SAE1: variants seen among roughly 807,000 people sequenced by gnomAD.
The protein encoded by SAE1 is SUMO1 activating enzyme subunit 1.
A neutral mutation model predicts 40.6 loss-of-function variants in SAE1; 11 were observed. The observed-to-expected ratio is 0.27, with a 90% CI of 0.17 to 0.45. The LOEUF is 0.45. SAE1 is among the 20% of genes least tolerant of loss of function. The pLI is 1.00. For synonymous variants in SAE1, 155 were observed against 154.3 expected (o/e 1.00, Z -0.03); for missense variants, 373 against 427.3 (o/e 0.87, Z 1.12).
chr19:47,172,765 G>A lies in SAE1; in HGVS notation c.733+2842G>A, dbSNP rs553233457. Among the ~76,000 whole-genome samples, 6 of 148,184 alleles carry A rather than the reference G, an allele frequency of 4.0e-5. No individual in the cohort carries two copies. In the South Asian group the frequency reaches 6.4e-4, roughly 16 times the overall value. On this transcript the variant is annotated intron_variant, in intron 6 of 8. Transcript: ENST00000270225. The stretch of plus-strand genomic sequence containing the variant: ...TACTCCAGAGTTGAAAAGTGTACAC[G>A]CCAAAAAAAAAAAAGAGAAAAGAAA...
At chr19:47,179,651 C>T (rs2058494231) in intron 6 of SAE1, among the ~76,000 whole-genome samples, 1 of 152,114 alleles carries the variant, frequency 6.6e-6, no homozygotes, top group Non-Finnish European at 1.5e-5. Context: ...CTCAAGCAAT[C>T]CTCACATCAC....
At chr19:47,195,736 C>CTTT (rs56268362) in intron 6 of SAE1, among the ~76,000 whole-genome samples, 35 of 93,126 alleles carry the variant, frequency 3.8e-4, no homozygotes, top group African/African-American at 1.2e-3. Flanking sequence ...TTTTTTTCTT[C>CTTT]TTTTTTTTTT....
intron 1 of SAE1, among the ~76,000 whole-genome samples, chr19:47,137,291 G>A (rs944186060): frequency 5.3e-5 from 8 of 152,070 alleles, no homozygotes; most frequent in African/African-American, 1.9e-4. Flanking sequence ...GGGAGGCTGA[G>A]GCAGGAGAAT....
chr19:47,151,725 C>T (rs2058289793), intron 3 of SAE1, among the ~76,000 whole-genome samples: 1 of 152,190 alleles, frequency 6.6e-6, no homozygotes, highest in African/African-American at 2.4e-5. Context: ...TATTGGGACA[C>T]TTTCCATTTG....
At chr19:47,172,790 A>T (rs1354208939) in intron 6 of SAE1, among the ~76,000 whole-genome samples, 1 of 152,044 alleles carries the variant, frequency 6.6e-6, no homozygotes, top group East Asian at 1.9e-4. Context: ...GAGAAAAGAA[A>T]AAAAGCACAT....
intron 5 of SAE1, among the ~76,000 whole-genome samples, chr19:47,160,284 C>T (rs894308083): frequency 7.7e-5 from 10 of 130,318 alleles, no homozygotes; most frequent in South Asian, 2.4e-4. Flanking sequence ...TGCAATGGTG[C>T]GATCTCGGCT....
chr19:47,177,551 G>A (rs541964963), intron 6 of SAE1, among the ~76,000 whole-genome samples: 31 of 152,254 alleles, frequency 2.0e-4, no homozygotes, highest in African/African-American at 7.5e-4. Context: ...TGTACAGATT[G>A]GGGCAGGGAG....
chr19:47,150,189 G>T lies in SAE1; in HGVS notation c.211-13G>T. The T allele has an allele frequency of 1.3e-6, 2 of 1,539,650 alleles. No individual in the cohort carries two copies. Among genetic ancestry groups the T allele is most frequent in the African/African-American group, 1.4e-5 (1 of 71,604 alleles). On this transcript the variant is annotated splice_polypyrimidine_tract_variant and intron_variant, in intron 2 of 8. Transcript: ENST00000270225. ...AAATACAAGACTTAAAAAAATATGT[G>T]TATTATTCCTAGGTAACTCCAGAAG...
At chr19:47,181,185 G>C (rs1161941639) in intron 6 of SAE1, among the ~76,000 whole-genome samples, 1 of 151,970 alleles carries the variant, frequency 6.6e-6, no homozygotes, top group African/African-American at 2.4e-5. Flanking sequence ...GCGTGGTGGT[G>C]CATGCCTGTA....
rs185788740 is a variant in SAE1, at chr19:47,204,340, G to A, written c.948+600G>A. On this transcript the variant is annotated intron_variant, in intron 8 of 8. Coordinates refer to ENST00000270225, the MANE Select transcript of SAE1 (RefSeq NM_005500.3). ...AGCCTTCCAAGTAGCTGGGACTACAGGCGCCTGCCACCACGCCCAGCTAAT... is the reference window on the plus strand; with the variant it reads ...AGCCTTCCAAGTAGCTGGGACTACAAGCGCCTGCCACCACGCCCAGCTAAT... Among the ~76,000 whole-genome samples, 316 of 151,652 alleles carry A rather than the reference G, an allele frequency of 2.1e-3. 3 individuals are homozygous for A. The highest frequency in any genetic ancestry group is 6.8e-3 in the Middle Eastern group (2 of 294).
At chr19:47,199,965 C>T (rs988496419) in intron 7 of SAE1, among the ~76,000 whole-genome samples, 32 of 151,376 alleles carry the variant, frequency 2.1e-4, no homozygotes, top group African/African-American at 6.8e-4. Context: ...GAGTCTCGCT[C>T]TGTCCCCCAG....
intron 6 of SAE1, among the ~76,000 whole-genome samples, chr19:47,180,480 G>A (rs1419506954): frequency 6.6e-6 from 1 of 152,156 alleles, no homozygotes; most frequent in Non-Finnish European, 1.5e-5. Context: ...AAGAATCAAA[G>A]TGCTAAAATC....
At position 47,151,418 on chromosome 19, in the gene SAE1, T is replaced by C. The variant is rs925185141; in HGVS notation, c.384+1043T>C. Among the ~76,000 whole-genome samples, 5 of 152,070 alleles carry C rather than the reference T, an allele frequency of 3.3e-5. No individual in the cohort carries two copies. In the South Asian group the frequency reaches 8.3e-4, roughly 25 times the overall value. ...CACCTGCCTCGGCCTCCCAAAGTGG[T>C]GGGATTACAGGTGTGAGCCACTGCA... On this transcript the variant is annotated intron_variant, in intron 3 of 8. Transcript: ENST00000270225.
intron 5 of SAE1, among the ~76,000 whole-genome samples, chr19:47,163,989 G>A (rs1032496784): frequency 4.0e-5 from 6 of 151,662 alleles, no homozygotes; most frequent in Admixed American, 3.3e-4. Context: ...GGCTGGTCTC[G>A]AACTCCTGAC....
intron 7 of SAE1, among the ~76,000 whole-genome samples, chr19:47,199,962 G>T (rs1298913501): frequency 6.7e-6 from 1 of 149,978 alleles, no homozygotes; most frequent in Non-Finnish European, 1.5e-5. Flanking sequence ...ACAGAGTCTC[G>T]CTCTGTCCCC....
chr19:47,197,714 C>A (rs368088623), intron 7 of SAE1, among the ~76,000 whole-genome samples: 3 of 152,292 alleles, frequency 2.0e-5, no homozygotes, highest in South Asian at 4.1e-4. Flanking sequence ...TTTGCTCCCT[C>A]TTTTCCACAG....
chr19:47,137,179 A>T (rs1403489268), intron 1 of SAE1, among the ~76,000 whole-genome samples: 1 of 152,094 alleles, frequency 6.6e-6, no homozygotes, highest in Non-Finnish European at 1.5e-5. Flanking sequence ...ACCTGAGGTC[A>T]GGAGTTCGAG....
chr19:47,152,194 A>G (rs900681205), intron 3 of SAE1, among the ~76,000 whole-genome samples: 1 of 152,244 alleles, frequency 6.6e-6, no homozygotes, highest in Non-Finnish European at 1.5e-5. Context: ...TCCCGAAAAG[A>G]TGGTATTTTG....
chr19:47,136,010 G>T (rs1055056450), intron 1 of SAE1, among the ~76,000 whole-genome samples: 1 of 150,670 alleles, frequency 6.6e-6, no homozygotes, highest in Non-Finnish European at 1.5e-5. Context: ...CACCTTGTTG[G>T]CCAGGATGGT....
Sources: gnomAD v4.1 joint callset for allele counts (sites outside exome capture counted in the v4.1 genomes callset) on GRCh38, gnomAD v4.1.1 for gene constraint, MANE v1.5 for transcripts, NCBI Gene and HGNC (gene_info 2026-07-23, HGNC 2026-07-21) for gene names.